SLC26A8: variants seen among roughly 807,000 people sequenced by gnomAD.
SLC26A8 encodes testis anion transporter 1.
SLC26A8 carries 70 observed loss-of-function variants against 105.0 expected under a neutral mutation model. The ratio of observed to expected loss-of-function variants is 0.67; its 90% CI spans 0.55 to 0.81. The LOEUF is 0.81. Ranked by LOEUF, SLC26A8 falls within the 40% of genes least tolerant of loss-of-function variation. The probability of loss-of-function intolerance (pLI) is 0.00; values close to 1 mark genes in which losing one functional copy is unlikely to be tolerated. For missense variants in SLC26A8, 998 were observed against 1,181.8 expected (o/e 0.84, Z 2.28); for synonymous variants, 415 against 438.3 (o/e 0.95, Z 0.66).
At chr6:36,009,047 T>C (rs1410152513) in intron 3 of SLC26A8, among the ~76,000 whole-genome samples, 1 of 152,166 alleles carries the variant, frequency 6.6e-6, no homozygotes, top group East Asian at 1.9e-4. Context: ...AGACTTAACA[T>C]TTATTTTAAA....
At chr6:36,009,577 G>GA (rs34251252) in intron 3 of SLC26A8, among the ~76,000 whole-genome samples, 1 of 152,016 alleles carries the variant, frequency 6.6e-6, no homozygotes, top group South Asian at 2.1e-4. Context: ...AATTATGAGG[G>GA]AAAAAAACCA....
In SLC26A8 at chr6:35,956,611, G is replaced by A. The variant is rs1014815801; in HGVS notation, c.1864-1091C>T. 3.9e-5 allele frequency among the ~76,000 whole-genome samples: 6 copies of A among 152,114 alleles called. No individual in the cohort carries two copies. In the East Asian group the frequency reaches 1.2e-3, roughly 29 times the overall value. ...GGAACCAGACTCTACCTGGCAGTGT[G>A]CACACGTTCATTGAAGGGATAAGTA... On this transcript the variant is annotated intron_variant, in intron 16 of 19. Transcript: ENST00000490799.
chr6:35,967,967 C>T (rs1772585287), intron 11 of SLC26A8, among the ~76,000 whole-genome samples: 1 of 152,098 alleles, frequency 6.6e-6, no homozygotes, highest in Admixed American at 6.6e-5. Context: ...CCTGCCTCAG[C>T]CTCCAGAATG....
chr6:35,969,197 C>T, intron 10 of SLC26A8: 1 of 462,444 alleles, frequency 2.2e-6, no homozygotes, highest in Non-Finnish European at 4.0e-6. Flanking sequence ...TCCACGTTGT[C>T]CTGGGCATTT....
chr6:36,001,192 G>A (rs567228471), intron 3 of SLC26A8, among the ~76,000 whole-genome samples: 9 of 151,904 alleles, frequency 5.9e-5, no homozygotes, highest in African/African-American at 1.7e-4. Flanking sequence ...GCAGTGGCGC[G>A]ATCTCGGCTC....
At chr6:35,977,427 T>A in intron 8 of SLC26A8, 76 bp from the exon 9 acceptor site, 1 of 1,356,574 alleles carries the variant, frequency 7.4e-7, no homozygotes, top group Non-Finnish European at 1.0e-6. Flanking sequence ...ATTCTAACAC[T>A]GGGCTGTCCT....
chr6:35,951,496 A>G lies in SLC26A8; in HGVS notation c.2236T>C (p.Cys746Arg), dbSNP rs772845742. Reference sequence around the variant, plus strand: ...ATGTTGGCGTTTTGAAAGGCATTGCATATCTGTGGGGGGAGAGAAAACCAG... The same window carrying G: ...ATGTTGGCGTTTTGAAAGGCATTGCGTATCTGTGGGGGGAGAGAAAACCAG... ...SRGLVVLRQI[C>R]NAFQNANILI... The change falls in exon 18 of 20, where the codon TGC (cysteine) becomes CGC (arginine). Residue 746 changes from cysteine (C) to arginine (R), a missense_variant. Transcript: ENST00000490799. The G allele has an allele frequency of 1.4e-5, 22 of 1,614,052 alleles. No homozygotes were observed. Among genetic ancestry groups the G allele is most frequent in the Non-Finnish European group, 1.8e-5 (21 of 1,180,044 alleles).
intron 8 of SLC26A8, 40 bp from the exon 9 acceptor site, chr6:35,977,391 T>A: frequency 6.3e-7 from 1 of 1,590,816 alleles, no homozygotes; most frequent in East Asian, 2.2e-5. Flanking sequence ...ATAGCAGGAA[T>A]CCTTTCTTGG....
intron 7 of SLC26A8, among the ~76,000 whole-genome samples, chr6:35,986,633 A>G (rs1230480891): frequency 6.6e-6 from 1 of 152,096 alleles, no homozygotes; most frequent in Non-Finnish European, 1.5e-5. Flanking sequence ...ATTTCACTTA[A>G]CATGTCCTCT....
In SLC26A8 at chr6:35,991,773, C is replaced by A; in HGVS notation, c.828G>T (p.Ala276=). The part of the protein sequence containing the change: ...IINYCVALPK[A]NSTSILVFLT... ...GAAATACTAGAATGCTGGTGGAATT[C>A]GCTTTTGGGAGAGCTACACAGTAAT... The change falls in exon 7 of 20, where the codon GCG becomes GCT. Residue 276 remains alanine, a synonymous_variant. Coordinates refer to ENST00000490799, the MANE Select transcript of SLC26A8 (RefSeq NM_052961.4). 1 of 1,603,208 alleles carries A rather than the reference C, an allele frequency of 6.2e-7. No individual in the cohort carries two copies. Among genetic ancestry groups the A allele is most frequent in the Non-Finnish European group, 8.5e-7 (1 of 1,176,318 alleles).
chr6:36,004,484 A>G (rs1761626871), intron 3 of SLC26A8, among the ~76,000 whole-genome samples: 2 of 152,066 alleles, frequency 1.3e-5, no homozygotes, highest in South Asian at 4.1e-4. Flanking sequence ...TTGCTTTTAA[A>G]AAAGTCATAT....
Position 35,951,431 on chromosome 6 carries a change from T to C in SLC26A8, c.2287+14A>G. Reference sequence around the variant, plus strand: ...GGTGCAAAACAGCCCTCTCATAGGGTGAAGGATACTCACAGTGACACCCTG... The same window carrying C: ...GGTGCAAAACAGCCCTCTCATAGGGCGAAGGATACTCACAGTGACACCCTG... On this transcript the variant is annotated intron_variant, in intron 18 of 19. Coordinates refer to ENST00000490799, the MANE Select transcript of SLC26A8 (RefSeq NM_052961.4). 6.2e-7 allele frequency: 1 copy of C among 1,613,792 alleles called. No individual in the cohort carries two copies.
chr6:35,991,655 C>T lies in SLC26A8; in HGVS notation c.942+4G>A. 6.5e-7 allele frequency: 1 copy of T among 1,543,904 alleles called. No individual in the cohort carries two copies. The highest frequency in any genetic ancestry group is 8.7e-7 in the Non-Finnish European group (1 of 1,148,636). ...TATGAATTTGAGACATCAAAAACACCTACCAGAAATAATTCCATGGGAAAC... is the reference window on the plus strand; with the variant it reads ...TATGAATTTGAGACATCAAAAACACTTACCAGAAATAATTCCATGGGAAAC... On this transcript the variant is annotated splice_donor_region_variant and intron_variant, in intron 7 of 19. Transcript: ENST00000490799.
intron 5 of SLC26A8, among the ~76,000 whole-genome samples, chr6:35,993,188 G>GT (rs1562054834): frequency 9.9e-6 from 1 of 100,610 alleles, no homozygotes. Flanking sequence ...ATAGAGATTG[G>GT]AGGGGGGGGT....
chr6:35,956,949 G>C (rs903359459), intron 16 of SLC26A8, among the ~76,000 whole-genome samples: 1 of 151,048 alleles, frequency 6.6e-6, no homozygotes, highest in Non-Finnish European at 1.5e-5. Flanking sequence ...AAAAGCTGGG[G>C]GTGTGCCTCA....
intron 8 of SLC26A8, among the ~76,000 whole-genome samples, chr6:35,978,221 A>G (rs1773120857): frequency 6.6e-6 from 1 of 151,550 alleles, no homozygotes; most frequent in African/African-American, 2.4e-5. Flanking sequence ...TCATTTTAGA[A>G]AGTCAATATA....
chr6:35,989,148 A>G (rs1217952958), intron 7 of SLC26A8, among the ~76,000 whole-genome samples: 7 of 152,066 alleles, frequency 4.6e-5, no homozygotes, highest in Admixed American at 4.6e-4. Flanking sequence ...CCAGTTCTAT[A>G]TGTTTTGAGG....
chr6:36,019,567 C>T lies in SLC26A8; in HGVS notation c.141G>A (p.Gly47=). The T allele has an allele frequency of 2.5e-6, 4 of 1,614,034 alleles. No individual in the cohort carries two copies. In the East Asian group the frequency reaches 6.7e-5, roughly 27 times the overall value. Residue 47 remains glycine (G), a synonymous_variant, in exon 2 of 20, where the codon GGG becomes GGA. Coordinates refer to ENST00000490799, the MANE Select transcript of SLC26A8 (RefSeq NM_052961.4). ...QEHKRKASSS[G]NMNINITTFR... ...AGGTGGTGATGTTGATGTTCATGTT[C>T]CCAGAAGAGGAGGCCTTCCTTTTGT...
chr6:35,984,319 ATTTTTTT>A (rs59314649), intron 7 of SLC26A8, among the ~76,000 whole-genome samples: 5 of 116,548 alleles, frequency 4.3e-5, no homozygotes, highest in African/African-American at 9.7e-5. Context: ...TCTTCTTCTT[ATTTTTTT>A]TTTTTTTTTT....
Sources: gnomAD v4.1 joint callset for allele counts (sites outside exome capture counted in the v4.1 genomes callset) on GRCh38, gnomAD v4.1.1 for gene constraint, MANE v1.5 for transcripts, NCBI Gene and HGNC (gene_info 2026-07-23, HGNC 2026-07-21) for gene names.